Variants in AIMP1 observed in about 807,000 individuals in gnomAD.
The protein encoded by AIMP1 is aminoacyl tRNA synthetase complex interacting multifunctional protein 1, also known as aminoacyl tRNA synthase complex-interacting multifunctional protein 1.
AIMP1 carries 24 observed loss-of-function variants against 33.1 expected under a neutral mutation model. The observed-to-expected ratio is 0.73, with a 90% confidence interval of 0.53 to 1.02. AIMP1 has a LOEUF of 1.02. Ranked by LOEUF, AIMP1 falls within the 50% of genes least tolerant of loss-of-function variation. The pLI is 0.00. For synonymous variants in AIMP1, 120 were observed against 121.5 expected, an observed-to-expected ratio of 0.99 and a Z score of 0.08; for missense variants, 367 against 364.8, an observed-to-expected ratio of 1.01 and a Z score of -0.05.
upstream of AIMP1, chr4:106,316,463 G>A: frequency 7.5e-7 from 1 of 1,338,930 alleles, no homozygotes; most frequent in Non-Finnish European, 1.0e-6. Flanking sequence ...ATTGAGGGTT[G>A]AATCTGTAGA....
intron 1 of AIMP1, among the ~76,000 whole-genome samples, chr4:106,322,104 T>C (rs7674796): frequency 0.14 from 21,054 of 151,938 alleles, 1,685 homozygotes; most frequent in South Asian, 0.25. Flanking sequence ...CCTTAAGAGT[T>C]ATCACCACTC....
intron 5 of AIMP1, among the ~76,000 whole-genome samples, chr4:106,332,535 T>C (rs763598371): frequency 8.6e-5 from 13 of 151,066 alleles, no homozygotes; most frequent in Non-Finnish European, 1.6e-4. Context: ...TATACAACTG[T>C]CAGTTAAGTA....
At chr4:106,329,934 C>T (rs1038618338) in intron 4 of AIMP1, among the ~76,000 whole-genome samples, 10 of 151,850 alleles carry the variant, frequency 6.6e-5, no homozygotes, top group Non-Finnish European at 1.0e-4. Flanking sequence ...AGGTGCATGC[C>T]GCCATGCCTG....
chr4:106,321,043 C>T (rs1011387253), intron 1 of AIMP1, among the ~76,000 whole-genome samples: 5 of 152,236 alleles, frequency 3.3e-5, no homozygotes, highest in African/African-American at 9.6e-5. Flanking sequence ...CTCGCTCACT[C>T]AGTGCTCAAT....
intron 6 of AIMP1, among the ~76,000 whole-genome samples, chr4:106,347,289 TAA>T (rs113446952): frequency 8.5e-5 from 13 of 152,254 alleles, no homozygotes; most frequent in African/African-American, 2.2e-4. Flanking sequence ...TTATAAAATA[TAA>T]GAGTAAAATA....
chr4:106,341,141 C>A lies in AIMP1; in HGVS notation c.772+4104C>A, dbSNP rs561327022. On this transcript the variant is annotated intron_variant, in intron 6 of 6. Coordinates refer to ENST00000672341, the MANE Select transcript of AIMP1 (RefSeq NM_001142416.2). The stretch of plus-strand genomic sequence containing the variant: ...TGTTGAATTAAGTTCCTTATGGATT[C>A]TAGATATTAGAGTTTTGTTGGATGC... Among the ~76,000 whole-genome samples the A allele has an allele frequency of 1.7e-4, 26 of 152,156 alleles. No homozygotes were observed. The East Asian group carries it at 2.9e-3, about 17-fold the overall frequency.
In AIMP1 at chr4:106,328,239, GAA is replaced by G. The variant is rs1769535786; in HGVS notation, c.389_390del (p.Lys130ArgfsTer18). 3 of 1,605,868 alleles carry G rather than the reference GAA, an allele frequency of 1.9e-6. No homozygotes were observed. Among genetic ancestry groups the G allele is most frequent in the Non-Finnish European group, 2.6e-6 (3 of 1,175,222 alleles). On this transcript the variant is annotated frameshift_variant and splice_region_variant, in exon 4 of 7. Transcript: ENST00000672341. LOFTEE classifies it high-confidence loss of function. ...EKKAKEKIEK[K>X]GEKKEKKQQS... ...AGAAAGCGAAAGAGAAAATTGAAAAGAAAGGTATTTTTGACCTTTAAGCATAT... is the reference window on the plus strand; with the variant it reads ...AGAAAGCGAAAGAGAAAATTGAAAAGAGGTATTTTTGACCTTTAAGCATAT...
chr4:106,346,482 G>A (rs966519497), intron 6 of AIMP1, among the ~76,000 whole-genome samples: 1 of 152,094 alleles, frequency 6.6e-6, no homozygotes, highest in Non-Finnish European at 1.5e-5. Flanking sequence ...ATTAGAGTCA[G>A]AGTTATGTGA....
In AIMP1 at chr4:106,325,082, C is replaced by T; in HGVS notation, c.73C>T (p.Leu25Phe). 1 of 1,612,844 alleles carries T rather than the reference C, an allele frequency of 6.2e-7. No individual in the cohort carries two copies. The highest frequency in any genetic ancestry group is 8.5e-7 in the Non-Finnish European group (1 of 1,179,266). Residue 25 changes from leucine to phenylalanine, a missense_variant, in exon 2 of 7, where the codon CTT (leucine) becomes TTT (phenylalanine). Physicochemically the swap from Leu to Phe is conservative, Grantham distance 22 (BLOSUM62 0). Coordinates refer to ENST00000672341, the MANE Select transcript of AIMP1 (RefSeq NM_001142416.2). ...AGAGGCAGATCAAATCATTGAATAT[C>T]TTAAGCAGCAAGTTTCTCTACTTAA... is the stretch of plus-strand genomic sequence containing the variant. ...GAEADQIIEY[L>F]KQQVSLLKEK...
chr4:106,335,441 TAA>T (rs932984835), intron 5 of AIMP1, among the ~76,000 whole-genome samples: 1 of 146,322 alleles, frequency 6.8e-6, no homozygotes, highest in Non-Finnish European at 1.5e-5. Context: ...AAATAAAAGT[TAA>T]AAAAAAAAAG....
chr4:106,338,743 T>C (rs1206196360), intron 6 of AIMP1, among the ~76,000 whole-genome samples: 7 of 152,200 alleles, frequency 4.6e-5, no homozygotes, highest in Admixed American at 4.6e-4. Context: ...AGAGGGCCAC[T>C]GTCCTCCAGA....
At chr4:106,341,988 TC>T (rs147327531) in intron 6 of AIMP1, among the ~76,000 whole-genome samples, 9,173 of 152,234 alleles carry the variant, frequency 0.06, 318 homozygotes, top group Middle Eastern at 0.12. Context: ...TTTATAGTTC[TC>T]CTTGTAGAGA....
chr4:106,323,436 A>C (rs1238758344), intron 1 of AIMP1, among the ~76,000 whole-genome samples: 1 of 152,036 alleles, frequency 6.6e-6, no homozygotes, highest in East Asian at 1.9e-4. Context: ...AACAGTTTAG[A>C]AAAATACAGA....
chr4:106,336,882 T>C lies in AIMP1; in HGVS notation c.617T>C (p.Met206Thr). 2.5e-6 allele frequency: 4 copies of C among 1,613,994 alleles called. No individual in the cohort carries two copies. The highest frequency in any genetic ancestry group is 3.4e-6 in the Non-Finnish European group (4 of 1,179,930). ...TATTTCACACAGATGCAAAATCGGA[T>C]GGTGATTTTACTTTGTAACCTGAAA... Reference protein sequence around the residue: ...HVPLEQMQNRMVILLCNLKPA... With the variant: ...HVPLEQMQNRTVILLCNLKPA... Residue 206 changes from methionine (M) to threonine (T), a missense_variant, in exon 6 of 7, where the codon ATG (methionine) becomes ACG (threonine). By Grantham distance (81) the Met-to-Thr change is moderately conservative. Transcript: ENST00000672341.
intron 1 of AIMP1, among the ~76,000 whole-genome samples, chr4:106,321,650 G>C (rs1769255265): frequency 6.6e-6 from 1 of 151,556 alleles, no homozygotes; most frequent in Admixed American, 6.6e-5. Context: ...GCCCCATCTG[G>C]GAAGTGAGGA....
At chr4:106,332,894 T>C (rs1769735972) in intron 5 of AIMP1, among the ~76,000 whole-genome samples, 1 of 152,088 alleles carries the variant, frequency 6.6e-6, no homozygotes, top group South Asian at 2.1e-4. Context: ...AAGGAAAGAA[T>C]GCAATCCCAA....
In AIMP1 at chr4:106,331,798, C is replaced by T. The variant is rs143219988; in HGVS notation, c.518C>T (p.Ser173Phe). 3 of 1,614,012 alleles carry T rather than the reference C, an allele frequency of 1.9e-6. No individual in the cohort carries two copies. The highest frequency in any genetic ancestry group is 2.7e-5 in the African/African-American group (2 of 74,922). The change falls in exon 5 of 7, where the codon TCT becomes TTT. Residue 173 changes from serine (S) to phenylalanine (F), a missense_variant. By Grantham distance (155) the Ser-to-Phe change is radical (BLOSUM62 -2). Coordinates refer to ENST00000672341, the MANE Select transcript of AIMP1 (RefSeq NM_001142416.2). ...GCTAGAAAACACCCTGATGCAGATT[C>T]TTTGTATGTGGAAGAAGTAGATGTC... Reference protein sequence around the residue: ...ITARKHPDADSLYVEEVDVGE... With the variant: ...ITARKHPDADFLYVEEVDVGE...
chr4:106,327,569 T>A lies in AIMP1; in HGVS notation c.223+5T>A. The stretch of plus-strand genomic sequence containing the variant: ...AGGCAGAAATTCAAAATGGAGGTAA[T>A]TAAATATAGAAAATTTGAGTAATCC... On this transcript the variant is annotated splice_donor_5th_base_variant and intron_variant, in intron 3 of 6. Transcript: ENST00000672341. 6.3e-7 allele frequency: 1 copy of A among 1,599,320 alleles called. No individual in the cohort carries two copies. The highest frequency in any genetic ancestry group is 8.6e-7 in the Non-Finnish European group (1 of 1,168,024).
chr4:106,327,325 A>G (rs1769489988), intron 2 of AIMP1, 126 bp from the exon 3 acceptor site: 1 of 671,876 alleles, frequency 1.5e-6, no homozygotes, highest in Admixed American at 2.5e-5. Context: ...GGCACTGGCC[A>G]AACATTTGGT....
Sources: allele counts gnomAD v4.1 joint callset (sites outside exome capture counted in the v4.1 genomes callset), GRCh38; gene constraint gnomAD v4.1.1; transcripts MANE v1.5; gene names NCBI Gene and HGNC (gene_info 2026-07-23, HGNC 2026-07-21).